The following HEMK2 variants were observed in gnomAD, a reference collection of about 807,000 sequenced individuals.
The protein encoded by HEMK2 is methyltransferase HEMK2.
chr21:28,872,220 A>G, the HEMK2 span: 2 of 152,214 alleles, frequency 1.3e-5, no homozygotes, highest in African/African-American at 4.8e-5. Flanking sequence ...ATTAGGCAAA[A>G]GGAAAGCTCT....
chr21:28,737,096 AGTTTGTTGGTTGGTTG>A, the HEMK2 span, among the ~76,000 whole-genome samples: 1 of 152,022 alleles, frequency 6.6e-6, no homozygotes, highest in Non-Finnish European at 1.5e-5. Context: ...TCCTCAGTGA[AGTTTGTTGGTTGGTTG>A]GTTGGTTGGT....
the HEMK2 span, among the ~76,000 whole-genome samples, chr21:28,624,490 G>A: frequency 6.6e-6 from 1 of 152,300 alleles, no homozygotes; most frequent in South Asian, 2.1e-4. Context: ...TGCTGTCATC[G>A]AAGGGGAATA....
At chr21:28,870,091 G>A in the HEMK2 span, among the ~76,000 whole-genome samples, 1 of 151,750 alleles carries the variant, frequency 6.6e-6, no homozygotes, top group Non-Finnish European at 1.5e-5. Context: ...GCTTTGTTTT[G>A]GTTTTCTCTT....
At chr21:28,865,952 G>A in the HEMK2 span, among the ~76,000 whole-genome samples, 2 of 150,902 alleles carry the variant, frequency 1.3e-5, no homozygotes, top group Admixed American at 6.6e-5. Flanking sequence ...TCTGTCACCC[G>A]GGCTAGACAG....
chr21:28,660,079 T>A, the HEMK2 span, among the ~76,000 whole-genome samples: 3 of 152,024 alleles, frequency 2.0e-5, no homozygotes, highest in African/African-American at 7.2e-5. Flanking sequence ...TTATTGTTCA[T>A]GGTATTATTT....
chr21:28,700,112 G>T, the HEMK2 span, among the ~76,000 whole-genome samples: 1 of 152,072 alleles, frequency 6.6e-6, no homozygotes, highest in African/African-American at 2.4e-5. Context: ...CATCCCCAGG[G>T]TGTCCCCATC....
chr21:28,821,650 C>T, the HEMK2 span, among the ~76,000 whole-genome samples: 2 of 152,208 alleles, frequency 1.3e-5, no homozygotes, highest in African/African-American at 4.8e-5. Flanking sequence ...TAGACTTCTG[C>T]CAAATTTCCA....
chr21:28,619,765 G>A, the HEMK2 span, among the ~76,000 whole-genome samples: 3 of 152,120 alleles, frequency 2.0e-5, no homozygotes, highest in African/African-American at 4.8e-5. Context: ...TGTTCCTATT[G>A]AAGTGATATG....
the HEMK2 span, among the ~76,000 whole-genome samples, chr21:28,768,821 T>A: frequency 7.2e-5 from 11 of 151,804 alleles, no homozygotes; most frequent in Non-Finnish European, 1.3e-4. Flanking sequence ...AAAAAGGTAA[T>A]AAATTAAATG....
chr21:28,631,192 G>A, the HEMK2 span, among the ~76,000 whole-genome samples: 2 of 152,146 alleles, frequency 1.3e-5, no homozygotes, highest in Admixed American at 1.3e-4. Context: ...GGACCAGCTG[G>A]TCCAGTCCCA....
chr21:28,762,005 A>C, the HEMK2 span, among the ~76,000 whole-genome samples: 2 of 152,118 alleles, frequency 1.3e-5, no homozygotes, highest in Non-Finnish European at 2.9e-5. Flanking sequence ...GCTCATTAGG[A>C]ATAAAATCTC....
chr21:28,681,337 T>C, the HEMK2 span, among the ~76,000 whole-genome samples: 3 of 152,014 alleles, frequency 2.0e-5, no homozygotes, highest in South Asian at 4.2e-4. Flanking sequence ...AGGAATCCAA[T>C]TTACAAGGGA....
the HEMK2 span, among the ~76,000 whole-genome samples, chr21:28,624,486 C>A: frequency 6.6e-6 from 1 of 152,134 alleles, no homozygotes. Context: ...TTGCTGCTGT[C>A]ATCGAAGGGG....
At chr21:28,734,235 T>C in the HEMK2 span, among the ~76,000 whole-genome samples, 2 of 152,156 alleles carry the variant, frequency 1.3e-5, no homozygotes, top group Non-Finnish European at 2.9e-5. Context: ...CAGGCTGAGT[T>C]CATTGAAAAC....
chr21:28,632,465 C>CA, the HEMK2 span, among the ~76,000 whole-genome samples: 1 of 152,156 alleles, frequency 6.6e-6, no homozygotes, highest in Non-Finnish European at 1.5e-5. Context: ...TAAATAACTT[C>CA]AATTTTTTTA....
the HEMK2 span, among the ~76,000 whole-genome samples, chr21:28,848,186 C>T: frequency 6.6e-6 from 1 of 152,226 alleles, no homozygotes; most frequent in East Asian, 1.9e-4. Context: ...ACAGGAATAG[C>T]ATTCATTCTA....
chr21:28,719,777 G>C, the HEMK2 span, among the ~76,000 whole-genome samples: 1 of 152,186 alleles, frequency 6.6e-6, no homozygotes, highest in Non-Finnish European at 1.5e-5. Context: ...CTCTTAACAT[G>C]CAAGTGTTGA....
At chr21:28,681,748 A>G in the HEMK2 span, among the ~76,000 whole-genome samples, 5 of 150,996 alleles carry the variant, frequency 3.3e-5, no homozygotes, top group Non-Finnish European at 6.0e-5. Context: ...ATAATGCCGC[A>G]TATTTACAAC....
chr21:28,678,261 A>C, the HEMK2 span, among the ~76,000 whole-genome samples: 1 of 152,264 alleles, frequency 6.6e-6, no homozygotes, highest in African/African-American at 2.4e-5. Flanking sequence ...AAGCCTCAGT[A>C]GCTGATTTGA....
Sources: allele counts gnomAD v4.1 joint callset (sites outside exome capture counted in the v4.1 genomes callset), GRCh38; gene constraint gnomAD v4.1.1; transcripts MANE v1.5; gene names NCBI Gene and HGNC (gene_info 2026-07-23, HGNC 2026-07-21).